The following MCF2L variants were observed in gnomAD, a reference collection of about 807,000 sequenced individuals.
MCF2L encodes guanine nucleotide exchange factor DBS.
MCF2L carries 97 observed loss-of-function variants against 153.4 expected under a neutral mutation model. The ratio of observed to expected loss-of-function variants is 0.63; its 90% CI spans 0.54 to 0.75. MCF2L has a LOEUF of 0.75. Ranked by LOEUF, MCF2L falls within the 30% of genes least tolerant of loss-of-function variation. The probability of loss-of-function intolerance (pLI) is 0.00; values close to 1 mark genes in which losing one functional copy is unlikely to be tolerated. For missense variants in MCF2L, 1,347 were observed against 1,495.2 expected, an observed-to-expected ratio of 0.90 and a Z score of 1.64; for synonymous variants, 659 against 632.2, an observed-to-expected ratio of 1.04 and a Z score of -0.64.
chr13:112,913,505 A>G (rs530112962), intron 2 of MCF2L, among the ~76,000 whole-genome samples: 16 of 152,218 alleles, frequency 1.1e-4, no homozygotes, highest in Non-Finnish European at 2.2e-4. Flanking sequence ...GTGATCTTTG[A>G]TCATTGAGTT....
In MCF2L at chr13:113,089,590, G is replaced by T; in HGVS notation, c.2835-20G>T. ...CCAGGCAACACACTATTTCCTTTTT[G>T]ATTTGTCTGATGTCATCAGTCCCTC... On this transcript the variant is annotated intron_variant, in intron 25 of 29. Coordinates refer to ENST00000535094, the MANE Select transcript of MCF2L (RefSeq NM_001112732.3). 3.3e-6 allele frequency: 5 copies of T among 1,530,660 alleles called. No individual in the cohort carries two copies. The Admixed American group carries it at 5.2e-5, about 16-fold the overall frequency. 94.8% of individuals were successfully genotyped at this position (1,530,660 alleles called of 1,614,324 possible). A position where few individuals can be genotyped will look rare whatever the true frequency, so the allele number is the denominator to read the frequency against.
chr13:112,947,203 C>T (rs2081646706), intron 2 of MCF2L, among the ~76,000 whole-genome samples: 1 of 152,160 alleles, frequency 6.6e-6, no homozygotes, highest in Admixed American at 6.5e-5. Flanking sequence ...AAAGACCCCG[C>T]CTGTTCACAG....
At chr13:113,077,258 G>A in intron 13 of MCF2L, 47 bp downstream of exon 13, 1 of 1,468,702 alleles carries the variant, frequency 6.8e-7, no homozygotes. Context: ...ACCCTCGGGG[G>A]AGCCCCGGGC....
intron 4 of MCF2L, among the ~76,000 whole-genome samples, chr13:113,047,965 C>T (rs1566797401): frequency 1.3e-5 from 2 of 152,410 alleles, no homozygotes; most frequent in East Asian, 1.9e-4. Flanking sequence ...CACATCACCA[C>T]GTGTGTGTCT....
chr13:113,077,673 G>A (rs1229524999), intron 13 of MCF2L, among the ~76,000 whole-genome samples: 1 of 152,164 alleles, frequency 6.6e-6, no homozygotes, highest in Non-Finnish European at 1.5e-5. Context: ...GAAGAGCCAC[G>A]TCCGCGCACC....
chr13:113,034,833 A>C (rs1019443453), intron 3 of MCF2L, among the ~76,000 whole-genome samples: 2 of 152,180 alleles, frequency 1.3e-5, no homozygotes, highest in African/African-American at 4.8e-5. Context: ...CCCGGAGGTT[A>C]GGGGCTGCTG....
chr13:112,912,497 A>G (rs2081243091), intron 2 of MCF2L, among the ~76,000 whole-genome samples: 1 of 152,082 alleles, frequency 6.6e-6, no homozygotes, highest in East Asian at 1.9e-4. Flanking sequence ...TTGTATTTTT[A>G]GTAGAGACGG....
chr13:113,011,803 G>A (rs1414884663), intron 1 of MCF2L, among the ~76,000 whole-genome samples: 1 of 119,022 alleles, frequency 8.4e-6, no homozygotes, highest in Non-Finnish European at 1.8e-5. Context: ...GCGGACGGTG[G>A]ACAGGCGGTG....
intron 21 of MCF2L, among the ~76,000 whole-genome samples, 167 bp downstream of exon 21, chr13:113,086,416 C>T (rs539517611): frequency 5.6e-4 from 85 of 152,166 alleles, no homozygotes; most frequent in African/African-American, 2.0e-3. Flanking sequence ...GCCCCACAGC[C>T]GGGTCCACAG....
chr13:112,928,045 T>C (rs570464127), intron 2 of MCF2L, among the ~76,000 whole-genome samples: 1 of 152,334 alleles, frequency 6.6e-6, no homozygotes, highest in East Asian at 1.9e-4. Flanking sequence ...TGAATAATTA[T>C]TAATTGTATT....
chr13:113,060,808 C>A, intron 5 of MCF2L, 96 bp downstream of exon 5: 2 of 1,524,160 alleles, frequency 1.3e-6, no homozygotes, highest in Non-Finnish European at 1.8e-6. Flanking sequence ...GAGCTGACTT[C>A]AGGGCCACAC....
intron 4 of MCF2L, among the ~76,000 whole-genome samples, chr13:113,057,940 G>A (rs1471541752): frequency 3.5e-5 from 5 of 142,056 alleles, no homozygotes; most frequent in Non-Finnish European, 6.1e-5. Flanking sequence ...TGGGTGCTGA[G>A]TGTTTGGGTG....
chr13:112,942,295 G>C (rs1566652056), intron 2 of MCF2L, among the ~76,000 whole-genome samples: 1 of 152,158 alleles, frequency 6.6e-6, no homozygotes. Context: ...GGCGTAAGCT[G>C]TCTCTCTCTC....
In MCF2L at chr13:113,031,864, T is replaced by C; in HGVS notation, c.278+7106T>C. Among the ~76,000 whole-genome samples, 1 of 79,010 alleles carries C rather than the reference T, an allele frequency of 1.3e-5. No individual in the cohort carries two copies. The highest frequency in any genetic ancestry group is 5.9e-4 in the East Asian group (1 of 1,688). 51.8% of individuals were successfully genotyped at this position (79,010 alleles called of 152,430 possible). On this transcript the variant is annotated intron_variant, in intron 3 of 29. Coordinates refer to ENST00000535094, the MANE Select transcript of MCF2L (RefSeq NM_001112732.3). This position sits in a 1 kb window ranked among gnomAD's most constrained non-coding sequence, Gnocchi z 5.5. Reference sequence around the variant, plus strand: ...ACACGCACCTACACAGGCTTGCACATGCCACACACACACACACACACACAC... The same window carrying C: ...ACACGCACCTACACAGGCTTGCACACGCCACACACACACACACACACACAC...
intron 27 of MCF2L, 183 bp from the exon 28 acceptor site, chr13:113,096,188 C>A: frequency 3.3e-6 from 2 of 609,044 alleles, no homozygotes; most frequent in South Asian, 3.9e-5. Flanking sequence ...TCCATCGCCG[C>A]TGCGGTAGTC....
chr13:112,913,137 T>C (rs1284330464), intron 2 of MCF2L, among the ~76,000 whole-genome samples: 2 of 151,776 alleles, frequency 1.3e-5, no homozygotes, highest in Non-Finnish European at 2.9e-5. Flanking sequence ...TGATTGTGTG[T>C]CTGTGGTGTA....
rs756666707 is a variant in MCF2L, at chr13:113,085,031, G to A, written c.2154+47G>A. On this transcript the variant is annotated intron_variant, in intron 19 of 29. Transcript: ENST00000535094. ...TAGAACGTTACTCCCTTTCCTAGCC[G>A]ACTCCTGAGGAATAATGAAAATTGT... The A allele has an allele frequency of 3.5e-5, 56 of 1,611,210 alleles. No individual in the cohort carries two copies. In the Admixed American group the frequency reaches 5.2e-4, roughly 15 times the overall value.
chr13:112,895,009 C>T (rs1158963332), intron 1 of MCF2L, among the ~76,000 whole-genome samples: 1 of 152,142 alleles, frequency 6.6e-6, no homozygotes, highest in African/African-American at 2.4e-5. Context: ...GCCTGCTTGT[C>T]CCGGGCCAGG....
intron 3 of MCF2L, among the ~76,000 whole-genome samples, chr13:113,039,340 A>C (rs760701357): frequency 4.6e-5 from 7 of 152,354 alleles, no homozygotes; most frequent in Non-Finnish European, 7.3e-5. Context: ...TGAACTCTAA[A>C]GTAATATAGT....
Sources: gnomAD v4.1 joint callset for allele counts (sites outside exome capture counted in the v4.1 genomes callset) on GRCh38, gnomAD v4.1.1 for gene constraint, Gnocchi (gnomAD v3.1) non-coding constraint, MANE v1.5 for transcripts, NCBI Gene and HGNC (gene_info 2026-07-23, HGNC 2026-07-21) for gene names.